Variants in CSDE1 observed in about 807,000 individuals in gnomAD.
The protein encoded by CSDE1 is cold shock domain-containing protein E1.
CSDE1 carries 17 observed loss-of-function variants against 89.3 expected under a neutral mutation model. That is an observed-to-expected ratio of 0.19 (90% CI 0.13 to 0.29). The LOEUF (loss-of-function observed/expected upper bound fraction) is 0.29. CSDE1 is among the 10% of genes least tolerant of loss of function. The pLI is 1.00. For missense variants in CSDE1, 672 were observed against 984.2 expected (o/e 0.68, Z 4.24); for synonymous variants, 322 against 332.8 (o/e 0.97, Z 0.35).
rs537172317 is a variant in CSDE1, at chr1:114,753,894, C to T, written c.-387-3687G>A. 2.5e-4 allele frequency among the ~76,000 whole-genome samples: 38 copies of T among 152,018 alleles called. 1 individual carries two copies. Among genetic ancestry groups the T allele is most frequent in the Non-Finnish European group, 4.1e-4 (28 of 68,018 alleles). ...CTGTGCCACTGCACTCTTGCCTGGG[C>T]GACAGAGTAAGACGCTGACTCAAAA... On this transcript the variant is annotated intron_variant, in intron 1 of 19. Transcript: ENST00000358528.
At chr1:114,732,082 G>A (rs1196065050) in intron 10 of CSDE1, among the ~76,000 whole-genome samples, 1 of 151,910 alleles carries the variant, frequency 6.6e-6, no homozygotes, top group Non-Finnish European at 1.5e-5. Context: ...CCAAAGTGCT[G>A]GGATTACAGG....
chr1:114,745,211 A>G (rs1370835109), intron 2 of CSDE1, among the ~76,000 whole-genome samples: 2 of 152,238 alleles, frequency 1.3e-5, no homozygotes, highest in Non-Finnish European at 2.9e-5. Flanking sequence ...ATTTTTCTTA[A>G]TAACTGCATT....
intron 2 of CSDE1, among the ~76,000 whole-genome samples, chr1:114,745,973 T>G (rs1483402130): frequency 6.6e-6 from 1 of 151,954 alleles, no homozygotes; most frequent in African/African-American, 2.4e-5. Context: ...GGAGAGGGGG[T>G]GGAAATCTAT....
intron 1 of CSDE1, among the ~76,000 whole-genome samples, chr1:114,753,246 T>A (rs1324248760): frequency 1.3e-5 from 2 of 152,118 alleles, no homozygotes; most frequent in African/African-American, 4.8e-5. Context: ...TTAAGAACTG[T>A]CAAGTCCAAG....
chr1:114,720,791 A>AT, intron 16 of CSDE1, 74 bp from the exon 17 acceptor site: 3 of 1,296,634 alleles, frequency 2.3e-6, no homozygotes, highest in Non-Finnish European at 3.2e-6. Context: ...GGAAGTTTAT[A>AT]TAACTGCTAA....
chr1:114,726,323 A>G lies in CSDE1; in HGVS notation c.1528T>C (p.Leu510=), dbSNP rs201815758. The G allele has an allele frequency of 1.4e-5, 23 of 1,613,696 alleles. No homozygotes were observed. In the African/African-American group the frequency reaches 2.5e-4, roughly 18 times the overall value. ...CTCTTGGAGTTAGAATTACGACCTA[A>G]AAGTCGCACACAAGTTGCAACCTGC... ...GQQVATCVRL[L]GRNSNSKRLL... Residue 510 remains leucine (L), a synonymous_variant, in exon 14 of 20, where the codon TTA becomes CTA. Transcript: ENST00000358528.
chr1:114,738,076 AAAAT>A lies in CSDE1; in HGVS notation c.200-8_200-5del, dbSNP rs770927976. On this transcript the variant is annotated splice_polypyrimidine_tract_variant and splice_region_variant and intron_variant, in intron 3 of 19. Coordinates refer to ENST00000358528, the MANE Select transcript of CSDE1 (RefSeq NM_001007553.3). ...GATACTTCAAATTCAACATCATCTA[AAAAT>A]AAATAATGTGTTATGTTTGTTGAAC... The A allele has an allele frequency of 2.5e-6, 4 of 1,603,872 alleles. No individual in the cohort carries two copies. The highest frequency in any genetic ancestry group is 4.5e-5 in the East Asian group (2 of 44,816).
intron 1 of CSDE1, among the ~76,000 whole-genome samples, chr1:114,754,450 A>G (rs1661481224): frequency 6.6e-6 from 1 of 152,254 alleles, no homozygotes; most frequent in South Asian, 2.1e-4. Context: ...TATTATTTTG[A>G]AAGTATGTGC....
chr1:114,718,728 A>G lies in CSDE1; in HGVS notation c.2234T>C (p.Val745Ala), dbSNP rs1390996903. Residue 745 changes from valine to alanine, a missense_variant, in exon 19 of 20, where the codon GTT (valine) becomes GCT (alanine). Around this residue, in one of 8 missense-constraint regions of CSDE1, gnomAD observed 206 missense variants for 332.4 expected, o/e 0.62. Transcript: ENST00000358528. ...CAACCGATCAGGTCGAGGAGCTGCA[A>G]CAGCCTTGGGGCCCTCACTGTAATT... Reference protein sequence around the residue: ...VWRVCEGPKAVAAPRPDRLVN... With the variant: ...VWRVCEGPKAAAAPRPDRLVN... 2 of 1,614,160 alleles carry G rather than the reference A, an allele frequency of 1.2e-6. No individual in the cohort carries two copies. Among genetic ancestry groups the G allele is most frequent in the Admixed American group, 3.3e-5 (2 of 60,028 alleles).
intron 6 of CSDE1, among the ~76,000 whole-genome samples, chr1:114,736,443 T>A (rs181571826): frequency 1.0e-3 from 155 of 152,330 alleles, no homozygotes; most frequent in African/African-American, 3.5e-3. Context: ...ATAATGCTTT[T>A]TTCTCACCTC....
intron 2 of CSDE1, among the ~76,000 whole-genome samples, chr1:114,742,423 A>G (rs1280122885): frequency 1.3e-5 from 2 of 152,166 alleles, no homozygotes; most frequent in East Asian, 3.8e-4. Context: ...CTCTACCAAA[A>G]ATACAAAATT....
chr1:114,745,697 CCTT>C (rs1214197665), intron 2 of CSDE1, among the ~76,000 whole-genome samples: 9 of 152,278 alleles, frequency 5.9e-5, no homozygotes, highest in African/African-American at 2.2e-4. Context: ...AAAGTTTAGA[CCTT>C]CTACCCTTTT....
chr1:114,726,836 CT>C, intron 13 of CSDE1, 146 bp downstream of exon 13: 1 of 573,310 alleles, frequency 1.7e-6, no homozygotes, highest in Non-Finnish European at 3.1e-6. Flanking sequence ...TAATAAGCTG[CT>C]TTCAAATACA....
intron 1 of CSDE1, among the ~76,000 whole-genome samples, chr1:114,755,727 G>A (rs893313250): frequency 3.9e-5 from 6 of 152,156 alleles, no homozygotes; most frequent in African/African-American, 1.4e-4. Flanking sequence ...CAAGGACAAA[G>A]CTAAGAAGAA....
At chr1:114,728,517 C>G (rs1001331502) in intron 12 of CSDE1, among the ~76,000 whole-genome samples, 1 of 152,004 alleles carries the variant, frequency 6.6e-6, no homozygotes, top group Non-Finnish European at 1.5e-5. Context: ...TACTAGGGTA[C>G]TGTTGGACTA....
In CSDE1 at chr1:114,726,358, C is replaced by T. The variant is rs781569478; in HGVS notation, c.1493G>A (p.Arg498Lys). ...KVEFSISDKQ[R>K]PGQQVATCVR... ...ACAAGTTGCAACCTGCTGTCCAGGC[C>T]TCTGTTTGTCACTAATACTAAATTC... Residue 498 changes from arginine (R) to lysine (K), a missense_variant, in exon 14 of 20, where the codon AGG becomes AAG. Arg to Lys is a conservative substitution (Grantham distance 26). Around this residue, in one of 8 missense-constraint regions of CSDE1, gnomAD observed 108 missense variants for 105.0 expected, o/e 1.03. Coordinates refer to ENST00000358528, the MANE Select transcript of CSDE1 (RefSeq NM_001007553.3). The T allele has an allele frequency of 6.2e-6, 10 of 1,611,912 alleles. No homozygotes were observed. The highest frequency in any genetic ancestry group is 3.4e-5 in the Admixed American group (2 of 59,524).
chr1:114,734,244 A>G (rs1043052630), intron 7 of CSDE1, 127 bp from the exon 8 acceptor site: 1 of 1,226,780 alleles, frequency 8.2e-7, no homozygotes, highest in African/African-American at 1.5e-5. Flanking sequence ...ACAACCTAAT[A>G]TTATCAATTA....
Position 114,719,683 on chromosome 1 carries a change from T to C in CSDE1, c.2112A>G (p.Glu704=), listed in dbSNP as rs201133299. The C allele has an allele frequency of 3.1e-6, 5 of 1,614,106 alleles. No homozygotes were observed. Among genetic ancestry groups the C allele is most frequent in the Non-Finnish European group, 4.2e-6 (5 of 1,180,010 alleles). ...CCTGTAGCTCAATGCCATCCTGAAC[T>C]TCTTTCACATGGAAAAAGAGCTTCT... ...DSKKLFFHVK[E]VQDGIELQAG... is the part of the protein sequence containing the mutation. Residue 704 remains glutamate, a synonymous_variant, in exon 18 of 20, where the codon GAA becomes GAG. Transcript: ENST00000358528.
rs556514710 is a variant in CSDE1 at position 114,720,354 on chromosome 1, A to C, written c.2052+185T>G. 3 of 559,682 alleles carry C rather than the reference A, an allele frequency of 5.4e-6. No individual in the cohort carries two copies. The South Asian group carries it at 8.2e-5, about 15-fold the overall frequency. 34.7% of individuals were successfully genotyped at this position (559,682 alleles called of 1,614,324 possible). On this transcript the variant is annotated intron_variant, in intron 17 of 19. Coordinates refer to ENST00000358528, the MANE Select transcript of CSDE1 (RefSeq NM_001007553.3). ...ATACCAATCTTACTTTCTCATTGCT[A>C]ATATAGTCACTTTTTGTGTAGTTTT...
Sources: allele counts gnomAD v4.1 joint callset (sites outside exome capture counted in the v4.1 genomes callset), GRCh38; gene constraint gnomAD v4.1.1; regional missense constraint gnomAD v4.1.1; transcripts MANE v1.5; gene names NCBI Gene and HGNC (gene_info 2026-07-23, HGNC 2026-07-21).